SLC6A11: variants seen among roughly 807,000 people sequenced by gnomAD.
SLC6A11 encodes sodium- and chloride-dependent GABA transporter 3.
In SLC6A11, 25 loss-of-function variants were observed where a neutral mutation model predicts 74.8. The observed-to-expected ratio is 0.33, with a 90% CI of 0.24 to 0.47. SLC6A11 has a LOEUF of 0.47. SLC6A11 is among the 20% of genes least tolerant of loss of function. The pLI is 1.00. For missense variants in SLC6A11, 574 were observed against 837.0 expected, an observed-to-expected ratio of 0.69 and a Z score of 3.88; for synonymous variants, 330 against 330.2, an observed-to-expected ratio of 1.00 and a Z score of 0.01.
chr3:10,934,584 C>CA (rs1315426528), intron 12 of SLC6A11, among the ~76,000 whole-genome samples: 3 of 152,222 alleles, frequency 2.0e-5, no homozygotes, highest in African/African-American at 7.2e-5. Context: ...CCTTTGTGAG[C>CA]AGACATTTAA....
chr3:10,909,228 G>T (rs1695351783), intron 6 of SLC6A11, among the ~76,000 whole-genome samples: 1 of 152,018 alleles, frequency 6.6e-6, no homozygotes, highest in African/African-American at 2.4e-5. Context: ...CATGTGGCCA[G>T]CCCTGAATCT....
At chr3:10,888,000 A>T in intron 6 of SLC6A11, among the ~76,000 whole-genome samples, 1 of 152,214 alleles carries the variant, frequency 6.6e-6, no homozygotes, top group East Asian at 1.9e-4. Flanking sequence ...GAGCTATTGA[A>T]TGTTTTTGAA....
intron 6 of SLC6A11, among the ~76,000 whole-genome samples, chr3:10,885,930 G>A (rs1051755111): frequency 1.3e-5 from 2 of 152,144 alleles, no homozygotes; most frequent in Non-Finnish European, 2.9e-5. Flanking sequence ...GGTCCCCTCT[G>A]TGCACAGCTC....
chr3:10,866,386 G>A (rs535102077), intron 5 of SLC6A11, among the ~76,000 whole-genome samples: 2 of 152,320 alleles, frequency 1.3e-5, no homozygotes, highest in East Asian at 1.9e-4. Flanking sequence ...GAGGGGTTTT[G>A]TTACTGCAGA....
chr3:10,926,062 G>T lies in SLC6A11; in HGVS notation c.1179G>T (p.Pro393=), dbSNP rs140515744. The T allele has an allele frequency of 1.2e-6, 2 of 1,613,520 alleles. No individual in the cohort carries two copies. Among genetic ancestry groups the T allele is most frequent in the South Asian group, 2.2e-5 (2 of 91,058 alleles). ...PKAVTMMPLS[P]LWATLFFMML... is the part of the protein sequence containing the mutation. ...CGGTCACCATGATGCCTCTCTCCCC[G>T]CTGTGGGCCACCTTGTTCTTCATGA... The change falls in exon 9 of 14, where the codon CCG becomes CCT. Residue 393 remains proline (P), a synonymous_variant. Coordinates refer to ENST00000254488, the MANE Select transcript of SLC6A11 (RefSeq NM_014229.3). This position sits in a 1 kb window ranked among gnomAD's most constrained non-coding sequence, Gnocchi z 5.7.
At chr3:10,927,345 G>A (rs547980726) in intron 9 of SLC6A11, among the ~76,000 whole-genome samples, 2 of 152,330 alleles carry the variant, frequency 1.3e-5, no homozygotes, top group African/African-American at 4.8e-5. Flanking sequence ...AGTTGGGCCT[G>A]GGGGCCCGAG....
chr3:10,920,998 A>G (rs1695530625), intron 8 of SLC6A11, among the ~76,000 whole-genome samples: 2 of 152,198 alleles, frequency 1.3e-5, no homozygotes, highest in African/African-American at 4.8e-5. Flanking sequence ...CTGAGGCATG[A>G]TTTTTGGAAA....
intron 4 of SLC6A11, among the ~76,000 whole-genome samples, chr3:10,834,369 A>G (rs1575669694): frequency 2.8e-5 from 4 of 144,724 alleles, no homozygotes; most frequent in African/African-American, 7.8e-5. Context: ...TTTTCAGCAG[A>G]TGGGGAATAT....
intron 5 of SLC6A11, among the ~76,000 whole-genome samples, chr3:10,859,884 A>G (rs1211715587): frequency 6.6e-6 from 1 of 152,210 alleles, no homozygotes; most frequent in Non-Finnish European, 1.5e-5. Flanking sequence ...TTCCTGTGTG[A>G]CACGTGGAAT....
chr3:10,846,289 G>A (rs577213392), intron 5 of SLC6A11, among the ~76,000 whole-genome samples: 1 of 152,328 alleles, frequency 6.6e-6, no homozygotes, highest in East Asian at 1.9e-4. Flanking sequence ...ATACATGAAA[G>A]TGCTTTGTGA....
intron 5 of SLC6A11, among the ~76,000 whole-genome samples, chr3:10,864,814 C>G (rs1030909461): frequency 6.6e-6 from 1 of 152,182 alleles, no homozygotes; most frequent in African/African-American, 2.4e-5. Flanking sequence ...TGCTGCAGCT[C>G]CTCCAAACAG....
chr3:10,937,287 A>G (rs1200557012), intron 13 of SLC6A11, among the ~76,000 whole-genome samples: 5 of 152,164 alleles, frequency 3.3e-5, no homozygotes, highest in African/African-American at 1.2e-4. Context: ...ACACAAACCC[A>G]GGCACCTGGC....
chr3:10,928,437 C>T (rs1434957126), intron 9 of SLC6A11, among the ~76,000 whole-genome samples: 3 of 152,136 alleles, frequency 2.0e-5, no homozygotes, highest in African/African-American at 7.2e-5. Flanking sequence ...TGCAGATCTG[C>T]CCCCAGTGCC....
At chr3:10,922,623 T>G (rs1695551559) in intron 8 of SLC6A11, among the ~76,000 whole-genome samples, 2 of 152,078 alleles carry the variant, frequency 1.3e-5, no homozygotes, top group Admixed American at 1.3e-4. Context: ...GGAGGAAGAA[T>G]GAGAAGGAAG....
chr3:10,836,082 T>C (rs1012914941), intron 4 of SLC6A11, among the ~76,000 whole-genome samples: 1 of 152,224 alleles, frequency 6.6e-6, no homozygotes, highest in African/African-American at 2.4e-5. Flanking sequence ...GAATTTGCCT[T>C]GTTTAGACAT....
At chr3:10,929,687 C>CCT (rs1434144888) in intron 10 of SLC6A11, among the ~76,000 whole-genome samples, 2 of 152,168 alleles carry the variant, frequency 1.3e-5, no homozygotes, top group African/African-American at 4.8e-5. Flanking sequence ...GCTACTGGCC[C>CCT]CTACAGCATT....
At chr3:10,859,917 G>T (rs1381508007) in intron 5 of SLC6A11, among the ~76,000 whole-genome samples, 1 of 152,124 alleles carries the variant, frequency 6.6e-6, no homozygotes, top group African/African-American at 2.4e-5. Flanking sequence ...CTCTACTGTT[G>T]CTTTGAAGTT....
intron 6 of SLC6A11, among the ~76,000 whole-genome samples, chr3:10,897,043 C>A (rs569246618): frequency 7.4e-4 from 113 of 152,222 alleles, no homozygotes; most frequent in African/African-American, 2.4e-3. Flanking sequence ...AGAATGAGAG[C>A]CAAGTGAAAG....
chr3:10,873,385 G>GGCATGCCATCCTACCCTACCC (rs1694850882), intron 5 of SLC6A11, among the ~76,000 whole-genome samples: 1 of 118,766 alleles, frequency 8.4e-6, no homozygotes, highest in African/African-American at 3.4e-5. Context: ...CTTCATTATT[G>GGCATGCCATCCTACCCTACCC]TATCCTATCC....
Sources: gnomAD v4.1 joint callset for allele counts (sites outside exome capture counted in the v4.1 genomes callset) on GRCh38, gnomAD v4.1.1 for gene constraint, Gnocchi (gnomAD v3.1) non-coding constraint, MANE v1.5 for transcripts, NCBI Gene and HGNC (gene_info 2026-07-23, HGNC 2026-07-21) for gene names.